Variants in TRPS1 observed in about 807,000 individuals in gnomAD.
The protein encoded by TRPS1 is transcriptional repressor GATA binding 1.
A neutral mutation model predicts 101.2 loss-of-function variants in TRPS1; 6 were observed. The ratio of observed to expected loss-of-function variants is 0.06; its 90% CI spans 0.03 to 0.12. TRPS1 has a LOEUF of 0.12. Among genes scored for constraint, TRPS1 ranks in the 10% least tolerant of loss-of-function variants. The pLI, the probability that TRPS1 is intolerant of heterozygous loss-of-function variation, is 1.00. For synonymous variants in TRPS1, 578 were observed against 589.8 expected (o/e 0.98, Z 0.29); for missense variants, 1,363 against 1,567.0 (o/e 0.87, Z 2.20).
Position 115,498,370 on chromosome 8 carries a change from CCCGTCTCTCTCT to C in TRPS1, c.2701-79930_2701-79919del, listed in dbSNP as rs1423625672. Among the ~76,000 whole-genome samples, 43 of 48,882 alleles carry C rather than the reference CCCGTCTCTCTCT, an allele frequency of 8.8e-4. 2 individuals are homozygous for C. The highest frequency in any genetic ancestry group is 1.4e-3 in the Admixed American group (4 of 2,930). 32.1% of individuals were successfully genotyped at this position (48,882 alleles called of 152,430 possible). On this transcript the variant is annotated intron_variant, in intron 5 of 6. Transcript: ENST00000395715. ...TCCAGCCTGGGCAACAAAGAGAGAG[CCCGTCTCTCTCT>C]CTCTCTCTCTCTCTCTCTCTCTCTC...
intron 5 of TRPS1, among the ~76,000 whole-genome samples, chr8:115,517,834 T>C (rs1815754406): frequency 6.6e-6 from 1 of 151,780 alleles, no homozygotes; most frequent in African/African-American, 2.4e-5. Flanking sequence ...TGACAAAGAA[T>C]GGCCTTGATT....
intron 1 of TRPS1, among the ~76,000 whole-genome samples, chr8:115,645,189 A>C (rs567745221): frequency 5.3e-5 from 8 of 152,306 alleles, no homozygotes; most frequent in African/African-American, 1.7e-4. Context: ...TAATAAATGG[A>C]AAGTGCAATA....
At chr8:115,625,954 T>A (rs1234990074) in intron 1 of TRPS1, among the ~76,000 whole-genome samples, 4 of 151,866 alleles carry the variant, frequency 2.6e-5, no homozygotes, top group African/African-American at 9.7e-5. Context: ...CTGTTTGAAA[T>A]CAAAGCTTAA....
intron 5 of TRPS1, among the ~76,000 whole-genome samples, chr8:115,473,458 A>T (rs1375275641): frequency 6.6e-6 from 1 of 152,194 alleles, no homozygotes; most frequent in Admixed American, 6.5e-5. Flanking sequence ...GGATTATGGG[A>T]ACTGCAATTT....
At chr8:115,547,044 G>C (rs750535579) in intron 5 of TRPS1, among the ~76,000 whole-genome samples, 5 of 152,110 alleles carry the variant, frequency 3.3e-5, no homozygotes, top group Admixed American at 6.5e-5. Flanking sequence ...TAGAAATTAA[G>C]TTTTTAATCT....
At position 115,541,077 on chromosome 8, in the gene TRPS1, A is replaced by G. The variant is rs573132289; in HGVS notation, c.2700+45924T>C. Reference sequence around the variant, plus strand: ...TACATAAGTATATTAATAAGTTCACATACCATAACAGGTTTGGAACAATCC... The same window carrying G: ...TACATAAGTATATTAATAAGTTCACGTACCATAACAGGTTTGGAACAATCC... On this transcript the variant is annotated intron_variant, in intron 5 of 6. Coordinates refer to ENST00000395715, the MANE Select transcript of TRPS1 (RefSeq NM_014112.5). Among the ~76,000 whole-genome samples the G allele has an allele frequency of 8.5e-5, 13 of 152,326 alleles. No individual in the cohort carries two copies. The East Asian group carries it at 2.3e-3, about 27-fold the overall frequency.
At chr8:115,464,809 G>T (rs1228628182) in intron 5 of TRPS1, among the ~76,000 whole-genome samples, 1 of 151,938 alleles carries the variant, frequency 6.6e-6, no homozygotes, top group African/African-American at 2.4e-5. Context: ...TTACTGTCAG[G>T]AACACTTTTA....
At chr8:115,580,520 A>G (rs1477453227) in intron 5 of TRPS1, among the ~76,000 whole-genome samples, 6 of 152,108 alleles carry the variant, frequency 3.9e-5, no homozygotes, top group Non-Finnish European at 8.8e-5. Flanking sequence ...AGAATGCTCA[A>G]CAATGGGTTC....
chr8:115,569,997 C>T (rs1817162886), intron 5 of TRPS1, among the ~76,000 whole-genome samples: 1 of 151,796 alleles, frequency 6.6e-6, no homozygotes, highest in South Asian at 2.1e-4. Flanking sequence ...ACTTTTAAAA[C>T]CTAGAAATGC....
At chr8:115,609,608 T>C (rs554880094) in intron 3 of TRPS1, among the ~76,000 whole-genome samples, 21 of 152,310 alleles carry the variant, frequency 1.4e-4, no homozygotes, top group Non-Finnish European at 3.1e-4. Flanking sequence ...CATGGCCTTC[T>C]TCAAGAAACT....
chr8:115,516,460 A>C (rs1815714433), intron 5 of TRPS1, among the ~76,000 whole-genome samples: 1 of 151,624 alleles, frequency 6.6e-6, no homozygotes, highest in African/African-American at 2.4e-5. Flanking sequence ...ATCTTTGGAA[A>C]GACTCAAAAA....
At chr8:115,650,989 A>G (rs1274712716) in intron 1 of TRPS1, among the ~76,000 whole-genome samples, 2 of 152,166 alleles carry the variant, frequency 1.3e-5, no homozygotes, top group African/African-American at 4.8e-5. Flanking sequence ...GCCAAGACAT[A>G]AGCCATTGTC....
At chr8:115,454,643 G>A (rs1301230423) in intron 5 of TRPS1, among the ~76,000 whole-genome samples, 1 of 152,064 alleles carries the variant, frequency 6.6e-6, no homozygotes, top group Non-Finnish European at 1.5e-5. Flanking sequence ...TTGGTTGGAA[G>A]CCTGCTGAGT....
intron 5 of TRPS1, among the ~76,000 whole-genome samples, chr8:115,557,362 T>C (rs1047074501): frequency 1.3e-5 from 2 of 151,940 alleles, no homozygotes; most frequent in African/African-American, 4.8e-5. Flanking sequence ...TTTCTCCTTT[T>C]CCCCCCAAAA....
At chr8:115,662,583 C>T (rs1236505168) in intron 1 of TRPS1, among the ~76,000 whole-genome samples, 7 of 151,650 alleles carry the variant, frequency 4.6e-5, no homozygotes, top group Non-Finnish European at 8.8e-5. Context: ...TTCCTACTTG[C>T]CAGCTTCTGA....
chr8:115,409,811 T>G lies in TRPS1; in HGVS notation c.*4212A>C, dbSNP rs1812745945. The G allele has an allele frequency of 6.6e-6, 1 of 152,504 alleles. No individual in the cohort carries two copies. The highest frequency in any genetic ancestry group is 1.5e-5 in the Non-Finnish European group (1 of 68,006). 9.4% of individuals were successfully genotyped at this position (152,504 alleles called of 1,614,324 possible). On this transcript the variant is annotated 3_prime_UTR_variant, in exon 7 of 7. Transcript: ENST00000395715. The stretch of plus-strand genomic sequence containing the variant: ...AGTACCTACCTTTGATTAGAATATT[T>G]AGTTTGATACTCAGGTTGCATTTCA...
At chr8:115,617,917 T>C (rs547433851) in intron 3 of TRPS1, among the ~76,000 whole-genome samples, 170 of 152,298 alleles carry the variant, frequency 1.1e-3, no homozygotes, top group African/African-American at 3.7e-3. Context: ...TAAGAGTTCT[T>C]TATATCTCCC....
intron 5 of TRPS1, among the ~76,000 whole-genome samples, chr8:115,560,016 C>A (rs989074475): frequency 2.6e-5 from 4 of 152,086 alleles, no homozygotes; most frequent in Non-Finnish European, 5.9e-5. Context: ...GAATGAGTTG[C>A]TTATACTTTA....
At chr8:115,617,945 C>T (rs1818308333) in intron 3 of TRPS1, among the ~76,000 whole-genome samples, 1 of 152,070 alleles carries the variant, frequency 6.6e-6, no homozygotes, top group Non-Finnish European at 1.5e-5. Flanking sequence ...GATAAGATTG[C>T]CATTCTGACA....
Sources: gnomAD v4.1 joint callset for allele counts (sites outside exome capture counted in the v4.1 genomes callset) on GRCh38, gnomAD v4.1.1 for gene constraint, MANE v1.5 for transcripts, NCBI Gene and HGNC (gene_info 2026-07-23, HGNC 2026-07-21) for gene names.